HCRTR2: variants seen among roughly 807,000 people sequenced by gnomAD.
HCRTR2 encodes the protein orexin receptor type 2.
In HCRTR2, 22 loss-of-function variants were observed where a neutral mutation model predicts 49.0. The observed-to-expected ratio is 0.45, with a 90% CI of 0.32 to 0.64. The LOEUF (loss-of-function observed/expected upper bound fraction) is 0.64, where lower values mean the gene tolerates loss of function less well. HCRTR2 is among the 30% of genes least tolerant of loss of function. The pLI, the probability that HCRTR2 is intolerant of heterozygous loss-of-function variation, is 0.04. For missense variants in HCRTR2, 491 were observed against 559.4 expected (o/e 0.88, Z 1.23); for synonymous variants, 236 against 205.3 (o/e 1.15, Z -1.28).
chr6:55,271,320 T>C (rs1766968788), intron 4 of HCRTR2, among the ~76,000 whole-genome samples: 1 of 152,102 alleles, frequency 6.6e-6, no homozygotes, highest in South Asian at 2.1e-4. Flanking sequence ...ACAAATGGTG[T>C]TAAGACAATT....
At chr6:55,213,935 C>T (rs2127293062) in intron 1 of HCRTR2, among the ~76,000 whole-genome samples, 1 of 147,118 alleles carries the variant, frequency 6.8e-6, no homozygotes, top group Admixed American at 6.8e-5. Flanking sequence ...GAGAAAGAGT[C>T]AAAGCAATTA....
At position 55,122,489 on chromosome 6, in the gene HCRTR2, C is replaced by T. The variant is rs553310584; in HGVS notation, c.-378+15944C>T. ...TCAGTTCTGCTCTGACTTTAGTTAT[C>T]TCTTGTCTTCTGCTAGCTTTTGAAT... On this transcript the variant is annotated intron_variant, in intron 1 of 7. Coordinates refer to the HCRTR2 transcript ENST00000615358. Among the ~76,000 whole-genome samples the T allele has an allele frequency of 1.7e-3, 261 of 152,070 alleles. 1 individual carries two copies. The highest frequency in any genetic ancestry group is 2.0e-3 in the African/African-American group (81 of 41,538).
chr6:55,219,121 C>T (rs2127295014), intron 1 of HCRTR2, among the ~76,000 whole-genome samples: 1 of 152,222 alleles, frequency 6.6e-6, no homozygotes, highest in East Asian at 1.9e-4. Context: ...GTGCTCAGGA[C>T]CCAACTTTCA....
At chr6:55,218,229 C>T (rs1490638406) in intron 1 of HCRTR2, among the ~76,000 whole-genome samples, 2 of 152,164 alleles carry the variant, frequency 1.3e-5, no homozygotes, top group Non-Finnish European at 2.9e-5. Context: ...CTTCTTAATA[C>T]TGTTACATTG....
At chr6:55,269,103 A>T (rs1042667229) in intron 4 of HCRTR2, among the ~76,000 whole-genome samples, 1 of 151,064 alleles carries the variant, frequency 6.6e-6, no homozygotes, top group South Asian at 2.1e-4. Flanking sequence ...AAAAAAAAAA[A>T]AAAGAAATAA....
intron 6 of HCRTR2, 90 bp from the exon 7 acceptor site, chr6:55,282,135 C>A: frequency 1.1e-6 from 1 of 913,022 alleles, no homozygotes; most frequent in Non-Finnish European, 1.8e-6. Flanking sequence ...GTTAGTTTGG[C>A]TCAAGGGAGC....
At chr6:55,208,345 A>T (rs1765640755) in intron 1 of HCRTR2, among the ~76,000 whole-genome samples, 1 of 146,916 alleles carries the variant, frequency 6.8e-6, no homozygotes, top group Admixed American at 7.0e-5. Context: ...AAAAAAAAAT[A>T]GCCAGGTGTG....
intron 1 of HCRTR2, among the ~76,000 whole-genome samples, chr6:55,245,489 A>T (rs1766420373): frequency 7.5e-6 from 1 of 132,662 alleles, no homozygotes; most frequent in Non-Finnish European, 1.6e-5. Context: ...ATATATATAT[A>T]TATATATATA....
At chr6:55,224,723 G>T (rs1241538762) in intron 1 of HCRTR2, among the ~76,000 whole-genome samples, 1 of 152,044 alleles carries the variant, frequency 6.6e-6, no homozygotes, top group Non-Finnish European at 1.5e-5. Context: ...CAACAACATG[G>T]ATGAACCTGA....
intron 1 of HCRTR2, among the ~76,000 whole-genome samples, chr6:55,221,123 C>G (rs552579652): frequency 6.6e-6 from 1 of 152,170 alleles, no homozygotes; most frequent in South Asian, 2.1e-4. Flanking sequence ...AATGTGCACA[C>G]TGCTGAAAGC....
intron 4 of HCRTR2, among the ~76,000 whole-genome samples, chr6:55,272,304 T>C (rs1766988127): frequency 6.6e-6 from 1 of 152,040 alleles, no homozygotes; most frequent in Non-Finnish European, 1.5e-5. Context: ...ATGTTGAGAA[T>C]AGGCAAATAT....
At chr6:55,271,137 T>A (rs1766965191) in intron 4 of HCRTR2, among the ~76,000 whole-genome samples, 1 of 152,072 alleles carries the variant, frequency 6.6e-6, no homozygotes, top group Non-Finnish European at 1.5e-5. Context: ...CTTCCTAATG[T>A]CAAATCTTAA....
intron 1 of HCRTR2, among the ~76,000 whole-genome samples, chr6:55,179,667 T>C (rs1357441566): frequency 1.3e-5 from 2 of 152,168 alleles, no homozygotes; most frequent in African/African-American, 4.8e-5. Context: ...AATTAAAAAA[T>C]ACCAGTTTTC....
At chr6:55,129,138 G>T (rs945411231) in intron 1 of HCRTR2, among the ~76,000 whole-genome samples, 1 of 152,058 alleles carries the variant, frequency 6.6e-6, no homozygotes, top group Non-Finnish European at 1.5e-5. Context: ...TGCTAATTAT[G>T]CAATTTAATC....
rs78551537 is a variant in HCRTR2, at chr6:55,211,640, C to T, written c.223+36830C>T. On this transcript the variant is annotated intron_variant, in intron 1 of 6. Coordinates refer to ENST00000370862, the MANE Select transcript of HCRTR2 (RefSeq NM_001384272.1). ...GTGGCCCCATCTTTTATGACTTTTC[C>T]TTTTCAACTGTGCCCTCTAGCCTTA... Among the ~76,000 whole-genome samples, 450 of 152,180 alleles carry T rather than the reference C, an allele frequency of 3.0e-3. 5 individuals carry two copies. Among genetic ancestry groups the T allele is most frequent in the African/African-American group, 0.01 (432 of 41,540 alleles).
At chr6:55,107,354 C>T (rs748197234) in intron 1 of HCRTR2, among the ~76,000 whole-genome samples, 3 of 152,050 alleles carry the variant, frequency 2.0e-5, no homozygotes, top group Admixed American at 6.6e-5. Flanking sequence ...AAGCAACTCC[C>T]GTTACTAGCT....
At chr6:55,217,883 C>A (rs554594215) in intron 1 of HCRTR2, among the ~76,000 whole-genome samples, 1 of 152,258 alleles carries the variant, frequency 6.6e-6, no homozygotes, top group East Asian at 1.9e-4. Flanking sequence ...ATCAGCCTCA[C>A]TTCTTGTTAC....
intron 4 of HCRTR2, among the ~76,000 whole-genome samples, chr6:55,272,692 A>G (rs1197611097): frequency 2.6e-5 from 4 of 152,028 alleles, no homozygotes; most frequent in Non-Finnish European, 5.9e-5. Flanking sequence ...GAGAGACTAT[A>G]ATAGGAATTA....
chr6:55,116,380 A>G (rs1284298936), intron 1 of HCRTR2, among the ~76,000 whole-genome samples: 1 of 151,662 alleles, frequency 6.6e-6, no homozygotes, highest in Non-Finnish European at 1.5e-5. Flanking sequence ...TAGGGAATAT[A>G]TATATTTTTC....
Sources: allele counts gnomAD v4.1 joint callset (sites outside exome capture counted in the v4.1 genomes callset), GRCh38; gene constraint gnomAD v4.1.1; transcripts MANE v1.5; gene names NCBI Gene and HGNC (gene_info 2026-07-23, HGNC 2026-07-21).